Variants in PRSS36 observed in about 807,000 individuals in gnomAD.
The protein encoded by PRSS36 is polyserase-2.
Under a neutral mutation model 94.3 loss-of-function variants are expected in PRSS36, and 90 were observed. The observed-to-expected ratio is 0.95, with a 90% CI of 0.80 to 1.14. PRSS36 has a LOEUF of 1.14. Ranked by LOEUF, PRSS36 falls within the 50% of genes most tolerant of loss-of-function variation. The pLI, the probability that PRSS36 is intolerant of heterozygous loss-of-function variation, is 0.00. For synonymous variants in PRSS36, 500 were observed against 489.6 expected (o/e 1.02, Z -0.28); for missense variants, 1,158 against 1,135.0 (o/e 1.02, Z -0.29).
Position 31,139,131 on chromosome 16 carries a change from T to C in PRSS36, c.*7A>G. 1 of 1,540,254 alleles carries C rather than the reference T, an allele frequency of 6.5e-7. No homozygotes were observed. The highest frequency in any genetic ancestry group is 8.8e-7 in the Non-Finnish European group (1 of 1,141,052). On this transcript the variant is annotated 3_prime_UTR_variant, in exon 15 of 15. Coordinates refer to ENST00000268281, the MANE Select transcript of PRSS36 (RefSeq NM_173502.5). Reference sequence around the variant, plus strand: ...GAAGGGGGAAGTGGTGCTGGGACCCTAGCCCCTCAGCTCTGGATCAGGAGA... The same window carrying C: ...GAAGGGGGAAGTGGTGCTGGGACCCCAGCCCCTCAGCTCTGGATCAGGAGA...
At chr16:31,143,289 C>T in intron 8 of PRSS36, 53 bp downstream of exon 8, 1 of 1,540,958 alleles carries the variant, frequency 6.5e-7, no homozygotes, top group Non-Finnish European at 8.7e-7. Flanking sequence ...TGGATGGTAT[C>T]TCAGGCTGTA....
chr16:31,142,677 G>A lies in PRSS36; in HGVS notation c.1358-33C>T, dbSNP rs1283901062. The A allele has an allele frequency of 3.6e-6, 5 of 1,401,198 alleles. No individual in the cohort carries two copies. In the Admixed American group the frequency reaches 9.2e-5, roughly 26 times the overall value. The allele number at this position is 1,401,198 out of a possible 1,614,324, so 86.8% of individuals were successfully genotyped here. A position where few individuals can be genotyped will look rare whatever the true frequency, so the allele number is the denominator to read the frequency against. On this transcript the variant is annotated intron_variant, in intron 9 of 14. Transcript: ENST00000268281. ...GGAAAAGGCAGGGAGCCCGCGCTGC[G>A]GCCCAGACGGCCCCTGCACCGCCCG...
chr16:31,148,884 G>A (rs2057846762), intron 4 of PRSS36, among the ~76,000 whole-genome samples, 189 bp downstream of exon 4: 1 of 152,170 alleles, frequency 6.6e-6, no homozygotes, highest in African/African-American at 2.4e-5. Context: ...ATATTGAGTG[G>A]AGTGGTGGGA....
intron 4 of PRSS36, 89 bp from the exon 5 acceptor site, chr16:31,148,764 C>A: frequency 6.5e-7 from 1 of 1,535,078 alleles, no homozygotes. Context: ...GCCAGAGGGG[C>A]AGGTGCTATC....
chr16:31,143,333 TTCAC>T lies in PRSS36; in HGVS notation c.1100+5_1100+8del. 6.3e-7 allele frequency: 1 copy of T among 1,579,320 alleles called. No individual in the cohort carries two copies. The highest frequency in any genetic ancestry group is 1.4e-5 in the African/African-American group (1 of 73,620). ...CAAGGATCGGCTTGAAACGTAGATT[TTCAC>T]TCACTCCAGAAAGCAGCTGGCAGGT... On this transcript the variant is annotated splice_donor_5th_base_variant and intron_variant, in intron 8 of 14. Transcript: ENST00000268281.
At chr16:31,148,833 G>T in intron 4 of PRSS36, 158 bp from the exon 5 acceptor site, 1 of 1,037,998 alleles carries the variant, frequency 9.6e-7, no homozygotes, top group Non-Finnish European at 1.4e-6. Context: ...ATTTGGAGCT[G>T]GTGGTGGGGG....
In PRSS36 at chr16:31,149,181, G is replaced by A; in HGVS notation, c.164C>T (p.Pro55Leu). The A allele has an allele frequency of 1.9e-6, 3 of 1,571,612 alleles. No individual in the cohort carries two copies. The highest frequency in any genetic ancestry group is 2.6e-6 in the Non-Finnish European group (3 of 1,159,348). The change falls in exon 4 of 15, where the codon CCG becomes CTG. Residue 55 changes from proline (P) to leucine (L), a missense_variant. By Grantham distance (98) the Pro-to-Leu change is moderately conservative (BLOSUM62 -3). Coordinates refer to ENST00000268281, the MANE Select transcript of PRSS36 (RefSeq NM_173502.5). ...ARIVGGSNAQ[P>L]GTWPWQVSLH... ...GCTCACTTGCCAAGGCCAGGTGCCCGGCTGCGCGTTTGAGCCCCCCACGAT... is the reference window on the plus strand; with the variant it reads ...GCTCACTTGCCAAGGCCAGGTGCCCAGCTGCGCGTTTGAGCCCCCCACGAT...
Position 31,148,392 on chromosome 16 carries a change from C to T in PRSS36, c.553+3G>A, listed in dbSNP as rs1224808092. Reference sequence around the variant, plus strand: ...CCCTCCCCTCTTGTCCCGTCCCACTCACCTGCCTCCTGGACGTCTCCCCAG... The same window carrying T: ...CCCTCCCCTCTTGTCCCGTCCCACTTACCTGCCTCCTGGACGTCTCCCCAG... On this transcript the variant is annotated splice_donor_region_variant and intron_variant, in intron 5 of 14. Transcript: ENST00000268281. The T allele has an allele frequency of 2.6e-6, 4 of 1,560,706 alleles. No individual in the cohort carries two copies.
At chr16:31,143,315 C>T (rs1429825150) in intron 8 of PRSS36, 27 bp downstream of exon 8, 2 of 1,562,940 alleles carry the variant, frequency 1.3e-6, no homozygotes, top group Non-Finnish European at 1.7e-6. Context: ...GGGCAAGGAT[C>T]GGCTTGAAAC....
chr16:31,148,309 C>G, intron 5 of PRSS36, 86 bp downstream of exon 5: 3 of 1,390,552 alleles, frequency 2.2e-6, no homozygotes, highest in Non-Finnish European at 2.8e-6. Flanking sequence ...CTCCGTGGCC[C>G]CACCTCCTGA....
intron 6 of PRSS36, among the ~76,000 whole-genome samples, chr16:31,144,286 T>C (rs2057763537): frequency 6.6e-6 from 1 of 152,194 alleles, no homozygotes. Context: ...GTGATTCTCC[T>C]GCCTCAGCTT....
chr16:31,149,339 C>T (rs2057861193), intron 3 of PRSS36, 104 bp from the exon 4 acceptor site: 3 of 1,522,046 alleles, frequency 2.0e-6, no homozygotes, highest in African/African-American at 2.8e-5. Context: ...TTCAGTTTGC[C>T]CCTCTGAACA....
intron 6 of PRSS36, among the ~76,000 whole-genome samples, chr16:31,145,041 C>G (rs1038344083): frequency 7.3e-5 from 11 of 151,708 alleles, no homozygotes; most frequent in Non-Finnish European, 1.6e-4. Context: ...GAGCTGAGAT[C>G]GTGCCATTGT....
In PRSS36 at chr16:31,145,777, G is replaced by A; in HGVS notation, c.720+12C>T. On this transcript the variant is annotated intron_variant, in intron 6 of 14. Coordinates refer to ENST00000268281, the MANE Select transcript of PRSS36 (RefSeq NM_173502.5). ...CTGGCCCTGCCAGGCAGGTGCCGGG[G>A]CCTTCCCTCACCTGGCAGGTGTCCC... The A allele has an allele frequency of 6.2e-7, 1 of 1,610,242 alleles. No individual in the cohort carries two copies. The highest frequency in any genetic ancestry group is 8.5e-7 in the Non-Finnish European group (1 of 1,178,596).
chr16:31,141,875 C>G lies in PRSS36; in HGVS notation c.1607G>C (p.Arg536Pro). ...GIRDFPSGCLRPRAFFPLQTH... is the reference protein window; with the variant it reads ...GIRDFPSGCLPPRAFFPLQTH... ...CTGCAGAGGGAAGAAGGCTCGGGGA[C>G]GTAGACAGCCACTGGGAAAGTCTCT... is the stretch of plus-strand genomic sequence containing the variant. The change falls in exon 11 of 15, where the codon CGT becomes CCT. Residue 536 changes from arginine (R) to proline (P), a missense_variant. Transcript: ENST00000268281. 2 of 1,614,158 alleles carry G rather than the reference C, an allele frequency of 1.2e-6. No homozygotes were observed. Among genetic ancestry groups the G allele is most frequent in the Non-Finnish European group, 1.7e-6 (2 of 1,180,024 alleles).
At chr16:31,146,034 C>T (rs1047109948) in intron 5 of PRSS36, 79 bp from the exon 6 acceptor site, 25 of 1,409,130 alleles carry the variant, frequency 1.8e-5, no homozygotes, top group East Asian at 1.0e-4. Flanking sequence ...TTGCCTCCTG[C>T]GGCTGCTTCT....
Position 31,141,743 on chromosome 16 carries a change from G to A in PRSS36, c.1739C>T (p.Pro580Leu). ...DGEETETQTC[P>L]PHTEHGACGL... ...CTCACCACCATGCTCTGTGTGTGGG[G>A]GACAAGTCTGTGTCTCAGTCTCCTC... is the stretch of plus-strand genomic sequence containing the variant. The change falls in exon 11 of 15, where the codon CCC becomes CTC. Residue 580 changes from proline (P) to leucine (L), a missense_variant. Physicochemically the swap from Pro to Leu is moderately conservative, Grantham distance 98. Coordinates refer to ENST00000268281, the MANE Select transcript of PRSS36 (RefSeq NM_173502.5). 1 of 1,613,894 alleles carries A rather than the reference G, an allele frequency of 6.2e-7. No homozygotes were observed. Among genetic ancestry groups the A allele is most frequent in the South Asian group, 1.1e-5 (1 of 91,086 alleles).
chr16:31,147,641 A>G (rs2057817762), intron 5 of PRSS36, among the ~76,000 whole-genome samples: 1 of 152,128 alleles, frequency 6.6e-6, no homozygotes, highest in East Asian at 1.9e-4. Context: ...CTAGGATGTA[A>G]ACTCTGAAAA....
intron 11 of PRSS36, 52 bp downstream of exon 11, chr16:31,141,671 A>T: frequency 6.2e-7 from 1 of 1,608,664 alleles, no homozygotes; most frequent in Non-Finnish European, 8.5e-7. Flanking sequence ...AGCCCCTGCC[A>T]TGGGTCTGTG....
Sources: allele counts gnomAD v4.1 joint callset (sites outside exome capture counted in the v4.1 genomes callset), GRCh38; gene constraint gnomAD v4.1.1; transcripts MANE v1.5; gene names NCBI Gene and HGNC (gene_info 2026-07-23, HGNC 2026-07-21).